Variants in NKTR observed in about 807,000 individuals in gnomAD.
NKTR encodes the protein natural killer cell triggering receptor, also known as NK-tumor recognition protein.
Under a neutral mutation model 156.3 loss-of-function variants are expected in NKTR, and 67 were observed. That is an observed-to-expected ratio of 0.43 (90% CI 0.35 to 0.53). The LOEUF is 0.53. Ranked by LOEUF, NKTR falls within the 20% of genes least tolerant of loss-of-function variation. The probability of loss-of-function intolerance (pLI) is 0.01; values close to 1 mark genes in which losing one functional copy is unlikely to be tolerated. For missense variants in NKTR, 1,604 were observed against 1,730.9 expected (o/e 0.93, Z 1.30); for synonymous variants, 640 against 596.6 (o/e 1.07, Z -1.06).
At position 42,617,576 on chromosome 3, in the gene NKTR, G is replaced by A. The variant is rs746342809; in HGVS notation, c.65G>A (p.Arg22His). 8 of 1,579,338 alleles carry A rather than the reference G, an allele frequency of 5.1e-6. No individual in the cohort carries two copies. Among genetic ancestry groups the A allele is most frequent in the East Asian group, 2.2e-5 (1 of 44,490 alleles). ...CCTATGTATTTTATTTCAGTTGGTC[G>A]CATTATGTTTCAGCTCTTCTCAGAC... ...DIEINREPVG[R>H]IMFQLFSDIC... Residue 22 changes from arginine (R) to histidine (H), a missense_variant, in exon 3 of 17, where the codon CGC becomes CAC. Coordinates refer to ENST00000232978, the MANE Select transcript of NKTR (RefSeq NM_005385.4).
intron 2 of NKTR, among the ~76,000 whole-genome samples, chr3:42,603,762 G>C (rs1351076195): frequency 7.7e-6 from 1 of 130,374 alleles, no homozygotes; most frequent in African/African-American, 3.0e-5. Context: ...TTGAGGCGAA[G>C]TCTCACTTTT....
chr3:42,641,419 T>A (rs1479228561), intron 13 of NKTR, among the ~76,000 whole-genome samples: 1 of 152,148 alleles, frequency 6.6e-6, no homozygotes, highest in Non-Finnish European at 1.5e-5. Flanking sequence ...TGTTCCTGAA[T>A]GACAGGCCTA....
chr3:42,645,822 G>C, intron 16 of NKTR, 66 bp from the exon 17 acceptor site: 1 of 1,086,338 alleles, frequency 9.2e-7, no homozygotes, highest in Non-Finnish European at 1.4e-6. Flanking sequence ...TAAAAAACAA[G>C]CTATAAGAGG....
At chr3:42,618,161 G>T (rs891967101) in intron 3 of NKTR, among the ~76,000 whole-genome samples, 18 of 151,814 alleles carry the variant, frequency 1.2e-4, no homozygotes, top group African/African-American at 4.3e-4. Flanking sequence ...GACTAGCCTC[G>T]CCAACATGGT....
chr3:42,639,159 G>T lies in NKTR; in HGVS notation c.3455G>T (p.Arg1152Leu). ...GAGACTTCCCCTCTAGGAAATGCAC[G>T]GCTTGATACCCCAGATATAAACATT... ...VEETSPLGNA[R>L]LDTPDINIVL... The change falls in exon 13 of 17, where the codon CGG becomes CTG. Residue 1152 changes from arginine to leucine, a missense_variant. This residue lies in a region of NKTR where 1,255 missense variants were observed against 1,243.7 expected (regional missense o/e 1.01). Coordinates refer to ENST00000232978, the MANE Select transcript of NKTR (RefSeq NM_005385.4). 1 of 1,614,100 alleles carries T rather than the reference G, an allele frequency of 6.2e-7. No individual in the cohort carries two copies.
Position 42,639,307 on chromosome 3 carries a change from G to A in NKTR, c.3603G>A (p.Leu1201=). ...VGKQDSSSAS[L]ASAGESTGKK... The stretch of plus-strand genomic sequence containing the variant: ...AACAGGACAGCAGCTCTGCTAGCTT[G>A]GCTAGTGCTGGAGAAAGTACCGGGA... Residue 1201 remains leucine, a synonymous_variant, in exon 13 of 17, where the codon TTG becomes TTA. Transcript: ENST00000232978. 6.2e-7 allele frequency: 1 copy of A among 1,614,148 alleles called. No homozygotes were observed. Among genetic ancestry groups the A allele is most frequent in the South Asian group, 1.1e-5 (1 of 91,084 alleles).
intron 2 of NKTR, among the ~76,000 whole-genome samples, chr3:42,605,369 C>T (rs1006964163): frequency 6.6e-6 from 1 of 152,160 alleles, no homozygotes; most frequent in Non-Finnish European, 1.5e-5. Context: ...TGCTTTACTG[C>T]TTAAGATTCA....
rs549514131 is a variant in NKTR, at chr3:42,620,825, C to A, written c.287-604C>A. The A allele has an allele frequency of 2.8e-5, 28 of 984,838 alleles. No individual in the cohort carries two copies. The African/African-American group carries it at 4.7e-4, about 17-fold the overall frequency. 61.0% of individuals were successfully genotyped at this position (984,838 alleles called of 1,614,324 possible). ...GTTCCTTGTGGCAGATACTTTTGTA[C>A]CTTAAAATTGTATTTTGCTATTTAA... On this transcript the variant is annotated intron_variant, in intron 5 of 16. Coordinates refer to ENST00000232978, the MANE Select transcript of NKTR (RefSeq NM_005385.4).
At chr3:42,625,336 A>G (rs1469232133) in intron 6 of NKTR, among the ~76,000 whole-genome samples, 1 of 152,150 alleles carries the variant, frequency 6.6e-6, no homozygotes, top group African/African-American at 2.4e-5. Flanking sequence ...AATTATAACA[A>G]TGTAAGAAAA....
chr3:42,633,034 T>G, intron 9 of NKTR: 1 of 1,253,418 alleles, frequency 8.0e-7, no homozygotes, highest in Non-Finnish European at 1.0e-6. Flanking sequence ...CGGGTGAAAA[T>G]AGTCCTAAGA....
At chr3:42,618,248 G>A (rs1707577902) in intron 3 of NKTR, among the ~76,000 whole-genome samples, 1 of 151,346 alleles carries the variant, frequency 6.6e-6, no homozygotes, top group South Asian at 2.1e-4. Flanking sequence ...CTACTCAGGA[G>A]GCTGAGGCAA....
At chr3:42,630,746 C>T in intron 7 of NKTR, 171 bp downstream of exon 7, 1 of 1,412,482 alleles carries the variant, frequency 7.1e-7, no homozygotes, top group Non-Finnish European at 9.3e-7. Context: ...CCCCATGGCT[C>T]TCATGTGACT....
At chr3:42,627,253 T>G (rs1325128083) in intron 6 of NKTR, 6 of 985,292 alleles carry the variant, frequency 6.1e-6, no homozygotes, top group Non-Finnish European at 7.2e-6. Context: ...TCTAAGGCTC[T>G]CTCTCTCTTT....
At chr3:42,624,292 C>T (rs984921295) in intron 6 of NKTR, among the ~76,000 whole-genome samples, 1 of 151,412 alleles carries the variant, frequency 6.6e-6, no homozygotes. Flanking sequence ...AATAGTACTG[C>T]TCAAGAAATG....
chr3:42,637,891 A>C lies in NKTR; in HGVS notation c.2187A>C (p.Arg729=), dbSNP rs533249534. 12 of 1,614,016 alleles carry C rather than the reference A, an allele frequency of 7.4e-6. No homozygotes were observed. Among genetic ancestry groups the C allele is most frequent in the Non-Finnish European group, 1.0e-5 (12 of 1,179,996 alleles). ...SRSPSSRSHS[R]NKYSDHSQCS... ...CTCCATCATCTAGATCTCATTCACG[A>C]AATAAATACAGTGATCATTCACAGT... Residue 729 remains arginine, a synonymous_variant, in exon 13 of 17, where the codon CGA becomes CGC. Coordinates refer to ENST00000232978, the MANE Select transcript of NKTR (RefSeq NM_005385.4).
chr3:42,632,608 GA>G lies in NKTR; in HGVS notation c.565del (p.Arg189GlyfsTer66), dbSNP rs760751574. 1.3e-6 allele frequency: 2 copies of G among 1,596,400 alleles called. No homozygotes were observed. The highest frequency in any genetic ancestry group is 8.5e-7 in the Non-Finnish European group (1 of 1,173,904). The part of the protein sequence containing the change: ...ATKSIKDVFE[K>X]KRKKPTHSEG... Reference sequence around the variant, plus strand: ...ATTAATGTTTCTTAAAAGTTTTTGAGAAAAAAAGGAAGAAACCAACTCATTC... The same window carrying G: ...ATTAATGTTTCTTAAAAGTTTTTGAGAAAAAAGGAAGAAACCAACTCATTC... On this transcript the variant is annotated frameshift_variant, in exon 9 of 17. Coordinates refer to ENST00000232978, the MANE Select transcript of NKTR (RefSeq NM_005385.4). LOFTEE classifies it high-confidence loss of function.
chr3:42,628,404 T>G (rs1708591998), intron 6 of NKTR: 3 of 985,138 alleles, frequency 3.0e-6, no homozygotes, highest in Non-Finnish European at 3.6e-6. Flanking sequence ...TCAAATTGAG[T>G]CTCAAGTAGT....
At chr3:42,600,898 G>C (rs1029381551) in intron 1 of NKTR, 86 bp from the exon 2 acceptor site, 2 of 803,902 alleles carry the variant, frequency 2.5e-6, no homozygotes, top group Admixed American at 8.2e-5. Context: ...ACCGTGGCGC[G>C]GACTTCGTCT....
Position 42,643,706 on chromosome 3 carries a change from T to G in NKTR, c.4200-196T>G, listed in dbSNP as rs1363898400. ...TTCAATGCAGAAAAGAAATTAACAT[T>G]TTTCTCTTTAATTATGGTAAGTCTC... On this transcript the variant is annotated intron_variant, in intron 15 of 16. Transcript: ENST00000232978. 3 of 684,732 alleles carry G rather than the reference T, an allele frequency of 4.4e-6. No individual in the cohort carries two copies. The Admixed American group carries it at 6.7e-5, about 15-fold the overall frequency. 42.4% of individuals were successfully genotyped at this position (684,732 alleles called of 1,614,324 possible). A position where few individuals can be genotyped will look rare whatever the true frequency, so the allele number is the denominator to read the frequency against.
Sources: allele counts gnomAD v4.1 joint callset (sites outside exome capture counted in the v4.1 genomes callset), GRCh38; gene constraint gnomAD v4.1.1; regional missense constraint gnomAD v4.1.1; transcripts MANE v1.5; gene names NCBI Gene and HGNC (gene_info 2026-07-23, HGNC 2026-07-21).